Variants in SYT9 observed in about 807,000 individuals in gnomAD.
SYT9 encodes the protein synaptotagmin 9.
SYT9 carries 22 observed loss-of-function variants against 48.4 expected under a neutral mutation model. The ratio of observed to expected loss-of-function variants is 0.45; its 90% CI spans 0.32 to 0.65. The LOEUF (loss-of-function observed/expected upper bound fraction) is 0.65, where lower values mean the gene tolerates loss of function less well. SYT9 is among the 30% of genes least tolerant of loss of function. The pLI is 0.03. For missense variants in SYT9, 577 were observed against 622.0 expected (o/e 0.93, Z 0.77); for synonymous variants, 265 against 245.0 (o/e 1.08, Z -0.76).
intron 3 of SYT9, among the ~76,000 whole-genome samples, chr11:7,403,319 G>A (rs1846934570): frequency 6.6e-6 from 1 of 152,138 alleles, no homozygotes; most frequent in South Asian, 2.1e-4. Flanking sequence ...CAGCACTTTG[G>A]GAGGCTGAGG....
intron 1 of SYT9, among the ~76,000 whole-genome samples, chr11:7,243,071 T>TAAATAAATAAAAAA (rs528022019): frequency 9.3e-5 from 14 of 151,000 alleles, no homozygotes; most frequent in Admixed American, 7.2e-4. Flanking sequence ...TAAATAAATA[T>TAAATAAATAAAAAA]AAAGTATTAC....
At chr11:7,343,973 T>C (rs1436214261) in intron 3 of SYT9, among the ~76,000 whole-genome samples, 1 of 152,174 alleles carries the variant, frequency 6.6e-6, no homozygotes, top group Non-Finnish European at 1.5e-5. Flanking sequence ...AAGAACAGTA[T>C]GCTGGAAACT....
intron 3 of SYT9, among the ~76,000 whole-genome samples, chr11:7,337,732 T>A (rs1849652520): frequency 6.6e-6 from 1 of 152,186 alleles, no homozygotes; most frequent in African/African-American, 2.4e-5. Flanking sequence ...TTGTGGTGGA[T>A]TAACTTTTTG....
intron 6 of SYT9, chr11:7,437,516 T>C (rs1847733950): frequency 6.6e-6 from 1 of 152,200 alleles, no homozygotes; most frequent in Non-Finnish European, 1.5e-5. Flanking sequence ...ATAAACACTG[T>C]GTGATATGCA....
intron 1 of SYT9, among the ~76,000 whole-genome samples, chr11:7,288,902 A>G (rs1340351343): frequency 6.6e-6 from 1 of 152,140 alleles, no homozygotes; most frequent in Non-Finnish European, 1.5e-5. Context: ...CATTTCTGGT[A>G]TTTAGGGAGG....
chr11:7,407,570 C>T (rs1847046247), intron 3 of SYT9, among the ~76,000 whole-genome samples: 2 of 67,658 alleles, frequency 3.0e-5, no homozygotes, highest in Admixed American at 1.0e-4. Flanking sequence ...TTAGTAGAGA[C>T]GGGGTTTCAC....
chr11:7,316,217 G>A (rs1849241101), intron 3 of SYT9, among the ~76,000 whole-genome samples: 1 of 151,888 alleles, frequency 6.6e-6, no homozygotes, highest in Admixed American at 6.6e-5. Flanking sequence ...CCATTTAGTT[G>A]AAGAATAGAA....
intron 5 of SYT9, among the ~76,000 whole-genome samples, chr11:7,418,986 G>GT: frequency 6.6e-6 from 1 of 152,320 alleles, no homozygotes; most frequent in South Asian, 2.1e-4. Flanking sequence ...ATATCAGGAA[G>GT]GCAGCTTCAG....
chr11:7,315,703 C>G (rs555298918), intron 3 of SYT9, among the ~76,000 whole-genome samples: 7 of 152,292 alleles, frequency 4.6e-5, no homozygotes, highest in African/African-American at 1.4e-4. Context: ...GGAACGACTC[C>G]TAGGACAGGT....
intron 3 of SYT9, among the ~76,000 whole-genome samples, chr11:7,323,195 A>G (rs1487627701): frequency 5.3e-5 from 8 of 152,126 alleles, no homozygotes; most frequent in Non-Finnish European, 1.2e-4. Context: ...GAATTTCTGT[A>G]AAGTATATAC....
chr11:7,294,812 G>A (rs770414396), intron 1 of SYT9, among the ~76,000 whole-genome samples: 1 of 152,194 alleles, frequency 6.6e-6, no homozygotes, highest in African/African-American at 2.4e-5. Context: ...CTATTGAAAG[G>A]AAGACAATTG....
intron 3 of SYT9, among the ~76,000 whole-genome samples, chr11:7,372,490 T>G (rs2134032428): frequency 6.6e-6 from 1 of 152,220 alleles, no homozygotes; most frequent in South Asian, 2.1e-4. Context: ...TTTTAAAATT[T>G]TTTATGAAGA....
intron 2 of SYT9, 28 bp downstream of exon 2, chr11:7,303,418 G>A (rs1397370455): frequency 1.3e-6 from 2 of 1,558,532 alleles, no homozygotes; most frequent in South Asian, 2.3e-5. Flanking sequence ...CTTTCTGAAT[G>A]CAAGGAAGGA....
intron 3 of SYT9, among the ~76,000 whole-genome samples, chr11:7,385,051 T>C (rs1328378743): frequency 6.6e-6 from 1 of 152,142 alleles, no homozygotes; most frequent in Non-Finnish European, 1.5e-5. Flanking sequence ...CCCCACTACT[T>C]AACTCCCTTT....
upstream of SYT9, among the ~76,000 whole-genome samples, chr11:7,251,422 C>G (rs77074389): frequency 4.6e-5 from 7 of 152,254 alleles, no homozygotes; most frequent in Non-Finnish European, 1.0e-4. Context: ...CCACAGTGGT[C>G]GAAAAGGGCC....
intron 6 of SYT9, among the ~76,000 whole-genome samples, chr11:7,433,375 T>A (rs1483845955): frequency 6.6e-6 from 1 of 152,208 alleles, no homozygotes; most frequent in Non-Finnish European, 1.5e-5. Context: ...TCCAAAGGGA[T>A]TAAGATTGAC....
At chr11:7,247,642 TG>T (rs1274567545), upstream of SYT9, among the ~76,000 whole-genome samples, 1 of 143,570 alleles carries the variant, frequency 7.0e-6, no homozygotes, top group Non-Finnish European at 1.5e-5. Context: ...TATATATACG[TG>T]ATATATATAT....
At chr11:7,341,830 G>A (rs1294606278) in intron 3 of SYT9, among the ~76,000 whole-genome samples, 1 of 152,060 alleles carries the variant, frequency 6.6e-6, no homozygotes, top group African/African-American at 2.4e-5. Flanking sequence ...TCATGCTGCT[G>A]ATAAAGACAT....
chr11:7,350,567 T>C lies in SYT9; in HGVS notation c.1044+36626T>C, dbSNP rs115869183. ...TCTCAGCCTACTTCTGCCTCATAGATACACACCTCAAAATGCAGCCCTGGG... is the reference window on the plus strand; with the variant it reads ...TCTCAGCCTACTTCTGCCTCATAGACACACACCTCAAAATGCAGCCCTGGG... On this transcript the variant is annotated intron_variant, in intron 3 of 6. Coordinates refer to ENST00000318881, the MANE Select transcript of SYT9 (RefSeq NM_175733.4). Among the ~76,000 whole-genome samples, 384 of 152,350 alleles carry C rather than the reference T, an allele frequency of 2.5e-3. 2 individuals are homozygous for C. The highest frequency in any genetic ancestry group is 8.6e-3 in the African/African-American group (358 of 41,580).
Sources: allele counts gnomAD v4.1 joint callset (sites outside exome capture counted in the v4.1 genomes callset), GRCh38; gene constraint gnomAD v4.1.1; transcripts MANE v1.5; gene names NCBI Gene and HGNC (gene_info 2026-07-23, HGNC 2026-07-21).